SPMAP2L: variants seen among roughly 807,000 people sequenced by gnomAD.
SPMAP2L encodes the protein sperm microtubule associated protein 2-like.
At chr4:56,600,506 C>T in the SPMAP2L span, among the ~76,000 whole-genome samples, 1 of 151,758 alleles carries the variant, frequency 6.6e-6, no homozygotes, top group Non-Finnish European at 1.5e-5. Flanking sequence ...GTTAGTCAGG[C>T]TGGTCTCAGA....
the SPMAP2L span, chr4:56,552,453 A>G: frequency 1.4e-6 from 1 of 690,420 alleles, no homozygotes; most frequent in South Asian, 1.6e-5. Flanking sequence ...CATTGGTTTT[A>G]GTTCTTTTTT....
chr4:56,609,282 C>A, the SPMAP2L span, among the ~76,000 whole-genome samples: 10 of 152,080 alleles, frequency 6.6e-5, no homozygotes, highest in Non-Finnish European at 1.2e-4. Flanking sequence ...ACCTTGTGAT[C>A]CACCTGCCTT....
the SPMAP2L span, chr4:56,595,435 C>A: frequency 1.4e-5 from 22 of 1,606,300 alleles, no homozygotes; most frequent in Non-Finnish European, 1.8e-5. Context: ...GATCAGCATT[C>A]GGCAGGAAGT....
At chr4:56,601,235 C>A in the SPMAP2L span, 1 of 955,848 alleles carries the variant, frequency 1.0e-6, no homozygotes, top group Non-Finnish European at 1.5e-6. Flanking sequence ...AAACATCTTA[C>A]TTAACGAATT....
chr4:56,561,751 G>T, the SPMAP2L span, among the ~76,000 whole-genome samples: 1 of 152,078 alleles, frequency 6.6e-6, no homozygotes, highest in Non-Finnish European at 1.5e-5. Flanking sequence ...TTGAGATGGA[G>T]TCTTCTTCTG....
the SPMAP2L span, among the ~76,000 whole-genome samples, chr4:56,575,897 A>G: frequency 1.3e-5 from 2 of 152,232 alleles, no homozygotes; most frequent in Non-Finnish European, 2.9e-5. Flanking sequence ...TTAAAAGGAA[A>G]TATGCAACTA....
the SPMAP2L span, among the ~76,000 whole-genome samples, chr4:56,587,557 A>G: frequency 0.27 from 40,823 of 151,462 alleles, 7,258 homozygotes; most frequent in African/African-American, 0.5. Flanking sequence ...ATATCAGTGA[A>G]AACATACAGT....
the SPMAP2L span, chr4:56,548,963 C>CCTTTTCTTTCTTTT: frequency 2.3e-6 from 1 of 436,462 alleles, no homozygotes; most frequent in Non-Finnish European, 3.8e-6. Flanking sequence ...GTCATAAGGT[C>CCTTTTCTTTCTTTT]CTTTTCTTTC....
the SPMAP2L span, among the ~76,000 whole-genome samples, chr4:56,605,674 T>C: frequency 3.9e-5 from 6 of 152,156 alleles, no homozygotes; most frequent in Non-Finnish European, 5.9e-5. Context: ...TACAAGACAC[T>C]AGGGCTCCTC....
At chr4:56,596,049 T>G in the SPMAP2L span, among the ~76,000 whole-genome samples, 1 of 152,216 alleles carries the variant, frequency 6.6e-6, no homozygotes, top group Non-Finnish European at 1.5e-5. Flanking sequence ...TCCAGGAGAC[T>G]TAATAGACAT....
chr4:56,580,404 G>A, the SPMAP2L span, among the ~76,000 whole-genome samples: 1 of 151,964 alleles, frequency 6.6e-6, no homozygotes, highest in African/African-American at 2.4e-5. Flanking sequence ...CTCAGAAAAA[G>A]CATTTGACAA....
At chr4:56,602,235 A>G in the SPMAP2L span, among the ~76,000 whole-genome samples, 4 of 152,342 alleles carry the variant, frequency 2.6e-5, no homozygotes, top group Non-Finnish European at 4.4e-5. Flanking sequence ...TAAAGCATCA[A>G]TAGCAAAACC....
the SPMAP2L span, among the ~76,000 whole-genome samples, chr4:56,623,791 C>A: frequency 6.6e-6 from 1 of 152,196 alleles, no homozygotes; most frequent in South Asian, 2.1e-4. Context: ...GGCCTCCCCA[C>A]TCATGTGGAA....
chr4:56,552,316 T>C, the SPMAP2L span, among the ~76,000 whole-genome samples: 2 of 152,202 alleles, frequency 1.3e-5, no homozygotes, highest in Non-Finnish European at 2.9e-5. Flanking sequence ...TGTTCTTTGG[T>C]TGCATAATTT....
chr4:56,603,923 T>C, the SPMAP2L span, among the ~76,000 whole-genome samples: 4 of 152,164 alleles, frequency 2.6e-5, no homozygotes, highest in Non-Finnish European at 5.9e-5. Context: ...CATGCCAGAG[T>C]CACTTACCAT....
chr4:56,611,870 C>T, the SPMAP2L span, among the ~76,000 whole-genome samples: 5 of 152,130 alleles, frequency 3.3e-5, no homozygotes, highest in Non-Finnish European at 7.4e-5. Context: ...CTTCAACTTC[C>T]CCACACAAGC....
chr4:56,607,827 A>T, the SPMAP2L span, among the ~76,000 whole-genome samples: 6 of 151,956 alleles, frequency 3.9e-5, no homozygotes, highest in East Asian at 1.9e-4. Context: ...ATTTTTATTT[A>T]AAAAAATGTT....
the SPMAP2L span, among the ~76,000 whole-genome samples, chr4:56,586,424 A>G: frequency 2.1e-3 from 322 of 152,232 alleles, 2 homozygotes; most frequent in African/African-American, 7.4e-3. Flanking sequence ...CACTAATCCT[A>G]TTATGGGGGC....
the SPMAP2L span, among the ~76,000 whole-genome samples, chr4:56,575,944 C>T: frequency 2.0e-5 from 3 of 152,200 alleles, no homozygotes; most frequent in Non-Finnish European, 2.9e-5. Context: ...GGAATTTGTT[C>T]TCCTGTATCT....
Sources: allele counts gnomAD v4.1 joint callset (sites outside exome capture counted in the v4.1 genomes callset), GRCh38; gene constraint gnomAD v4.1.1; transcripts MANE v1.5; gene names NCBI Gene and HGNC (gene_info 2026-07-23, HGNC 2026-07-21).